The following CACNA2D3 variants were observed in gnomAD, a reference collection of about 807,000 sequenced individuals.
CACNA2D3 encodes voltage-dependent calcium channel subunit alpha-2/delta-3.
A neutral mutation model predicts 160.6 loss-of-function variants in CACNA2D3; 60 were observed. The observed-to-expected ratio is 0.37, with a 90% CI of 0.30 to 0.46. CACNA2D3 has a LOEUF of 0.46. CACNA2D3 is among the 20% of genes least tolerant of loss of function. The probability of loss-of-function intolerance (pLI) is 1.00; values close to 1 mark genes in which losing one functional copy is unlikely to be tolerated. For synonymous variants in CACNA2D3, 558 were observed against 492.9 expected, an observed-to-expected ratio of 1.13 and a Z score of -1.75; for missense variants, 1,205 against 1,365.0, an observed-to-expected ratio of 0.88 and a Z score of 1.85.
intron 3 of CACNA2D3, among the ~76,000 whole-genome samples, chr3:54,369,816 C>A: frequency 6.6e-6 from 1 of 152,136 alleles, no homozygotes; most frequent in East Asian, 1.9e-4. Context: ...TAACTCAGAC[C>A]TCTTATTTGA....
At chr3:54,411,616 A>G (rs1447024205) in intron 4 of CACNA2D3, among the ~76,000 whole-genome samples, 5 of 152,230 alleles carry the variant, frequency 3.3e-5, no homozygotes, top group Non-Finnish European at 7.3e-5. Context: ...AGACTGTGGT[A>G]TAGTATAAAC....
intron 27 of CACNA2D3, among the ~76,000 whole-genome samples, chr3:54,905,574 C>A (rs530494303): frequency 6.6e-6 from 1 of 152,170 alleles, no homozygotes; most frequent in Non-Finnish European, 1.5e-5. Flanking sequence ...TTTATTTTGG[C>A]AAAAATGAAA....
chr3:54,225,492 A>G (rs1032289897), intron 2 of CACNA2D3, among the ~76,000 whole-genome samples: 1 of 152,004 alleles, frequency 6.6e-6, no homozygotes, highest in Non-Finnish European at 1.5e-5. Context: ...TATGTTTCCC[A>G]TATGTTATTT....
At chr3:54,587,004 A>G (rs902438024) in intron 9 of CACNA2D3, among the ~76,000 whole-genome samples, 2 of 152,108 alleles carry the variant, frequency 1.3e-5, no homozygotes, top group African/African-American at 4.8e-5. Context: ...CAAGAGGTGG[A>G]ACAAAGCTAT....
chr3:54,942,078 A>C (rs956860240), intron 27 of CACNA2D3, among the ~76,000 whole-genome samples: 7 of 152,218 alleles, frequency 4.6e-5, no homozygotes, highest in African/African-American at 1.7e-4. Flanking sequence ...AACTTCAAAT[A>C]GGGTTTACCA....
intron 11 of CACNA2D3, among the ~76,000 whole-genome samples, chr3:54,700,662 C>T (rs911924147): frequency 2.0e-5 from 3 of 152,104 alleles, no homozygotes; most frequent in Non-Finnish European, 4.4e-5. Context: ...AGACTTGAAT[C>T]AATAACCAGT....
intron 11 of CACNA2D3, among the ~76,000 whole-genome samples, chr3:54,745,446 C>T (rs754954949): frequency 8.5e-5 from 13 of 152,170 alleles, no homozygotes; most frequent in Non-Finnish European, 1.5e-4. Flanking sequence ...TTACTATCTC[C>T]AGGAATTAGC....
At chr3:54,509,549 A>G (rs1701426517) in intron 5 of CACNA2D3, among the ~76,000 whole-genome samples, 1 of 152,146 alleles carries the variant, frequency 6.6e-6, no homozygotes, top group Admixed American at 6.5e-5. Context: ...ACCAGAGCAC[A>G]TTGCTCTGGA....
chr3:54,180,958 T>A (rs1054637675), intron 2 of CACNA2D3, among the ~76,000 whole-genome samples: 10 of 152,200 alleles, frequency 6.6e-5, no homozygotes, highest in Non-Finnish European at 1.2e-4. Flanking sequence ...TAGATATCTC[T>A]GAGCTGGTAG....
chr3:54,801,984 C>A (rs1031707081), intron 13 of CACNA2D3, among the ~76,000 whole-genome samples: 1 of 152,180 alleles, frequency 6.6e-6, no homozygotes, highest in African/African-American at 2.4e-5. Flanking sequence ...TGATATGCAG[C>A]AAAAATTAGA....
intron 4 of CACNA2D3, among the ~76,000 whole-genome samples, chr3:54,468,788 CT>C (rs1478809383): frequency 2.0e-5 from 3 of 152,162 alleles, no homozygotes; most frequent in African/African-American, 7.2e-5. Context: ...TGGTTTACCC[CT>C]CACAGTGTAA....
At chr3:54,309,686 G>T (rs1703691449) in intron 2 of CACNA2D3, among the ~76,000 whole-genome samples, 1 of 152,120 alleles carries the variant, frequency 6.6e-6, no homozygotes, top group African/African-American at 2.4e-5. Flanking sequence ...TGAGGGGGGT[G>T]TCAGAAGGCA....
intron 27 of CACNA2D3, chr3:54,927,794 G>T: frequency 8.6e-7 from 1 of 1,159,036 alleles, no homozygotes; most frequent in Non-Finnish European, 1.3e-6. Flanking sequence ...TATCTGTCCA[G>T]TCTTTTAAGA....
chr3:55,022,979 T>C (rs358044), intron 35 of CACNA2D3, among the ~76,000 whole-genome samples: 16,152 of 152,116 alleles, frequency 0.11, 2,893 homozygotes, highest in African/African-American at 0.37. Context: ...TTTATATGTT[T>C]ATAGTTACTC....
chr3:54,655,267 T>C (rs1699857136), intron 11 of CACNA2D3, among the ~76,000 whole-genome samples: 1 of 152,224 alleles, frequency 6.6e-6, no homozygotes, highest in Non-Finnish European at 1.5e-5. Context: ...GTCTGGATGC[T>C]GACAACTCAA....
chr3:54,502,957 C>T (rs180739516), intron 4 of CACNA2D3, among the ~76,000 whole-genome samples: 1 of 152,308 alleles, frequency 6.6e-6, no homozygotes, highest in East Asian at 1.9e-4. Flanking sequence ...GATGCCCACA[C>T]CACTGGATTT....
At chr3:54,429,024 A>G (rs1037128461) in intron 4 of CACNA2D3, among the ~76,000 whole-genome samples, 7 of 152,204 alleles carry the variant, frequency 4.6e-5, no homozygotes, top group Non-Finnish European at 7.3e-5. Context: ...TTAAAGACCC[A>G]AGCTGGTGGG....
intron 9 of CACNA2D3, among the ~76,000 whole-genome samples, chr3:54,593,524 G>A (rs1038036861): frequency 1.6e-4 from 24 of 152,074 alleles, no homozygotes; most frequent in African/African-American, 2.9e-4. Context: ...CACTGTTAGC[G>A]TGTCTTTACA....
chr3:54,892,848 A>G (rs571264138), intron 25 of CACNA2D3, among the ~76,000 whole-genome samples: 1 of 152,230 alleles, frequency 6.6e-6, no homozygotes, highest in South Asian at 2.1e-4. Flanking sequence ...TGTTATTGTG[A>G]TGGATTTAAA....
Sources: allele counts gnomAD v4.1 joint callset (sites outside exome capture counted in the v4.1 genomes callset), GRCh38; gene constraint gnomAD v4.1.1; transcripts MANE v1.5; gene names NCBI Gene and HGNC (gene_info 2026-07-23, HGNC 2026-07-21).